CFAP54: variants seen among roughly 807,000 people sequenced by gnomAD.
The protein encoded by CFAP54 is cilia- and flagella-associated protein 54.
In CFAP54, 290 loss-of-function variants were observed where a neutral mutation model predicts 370.4. That is an observed-to-expected ratio of 0.78 (90% CI 0.71 to 0.86). The LOEUF is 0.86. Ranked by LOEUF, CFAP54 falls within the 40% of genes least tolerant of loss-of-function variation. The pLI, the probability that CFAP54 is intolerant of heterozygous loss-of-function variation, is 0.00. For missense variants in CFAP54, 3,399 were observed against 3,528.7 expected, an observed-to-expected ratio of 0.96 and a Z score of 0.93; for synonymous variants, 1,206 against 1,236.5, an observed-to-expected ratio of 0.98 and a Z score of 0.52.
At chr12:96,655,186 T>A (rs1028882067) in intron 36 of CFAP54, among the ~76,000 whole-genome samples, 1 of 151,326 alleles carries the variant, frequency 6.6e-6, no homozygotes, top group African/African-American at 2.4e-5. Flanking sequence ...GACCCATATA[T>A]ATGGTTTTTT....
At chr12:96,644,556 A>G (rs10745766) in intron 33 of CFAP54, 148 bp downstream of exon 33, 469,520 of 592,184 alleles carry the variant, frequency 0.79, 187,055 homozygotes, top group East Asian at 0.9. Flanking sequence ...CTGTTCTCAC[A>G]CTGCTATAAA....
At chr12:96,618,153 T>C (rs1205395801) in intron 26 of CFAP54, among the ~76,000 whole-genome samples, 1 of 152,076 alleles carries the variant, frequency 6.6e-6, no homozygotes, top group East Asian at 1.9e-4. Flanking sequence ...TTTAAGTAAC[T>C]AACAGGGGCT....
At chr12:96,741,724 AGC>A (rs1175611935) in intron 51 of CFAP54, among the ~76,000 whole-genome samples, 2 of 152,204 alleles carry the variant, frequency 1.3e-5, no homozygotes, top group Non-Finnish European at 2.9e-5. Context: ...CATCTCTCCT[AGC>A]TCTCAGTAGC....
intron 19 of CFAP54, among the ~76,000 whole-genome samples, chr12:96,572,536 A>G (rs1252663021): frequency 6.6e-6 from 1 of 152,116 alleles, no homozygotes; most frequent in Non-Finnish European, 1.5e-5. Context: ...AAATGTAGTC[A>G]TGATCAGAAT....
chr12:96,502,495 C>A (rs1463463077), intron 2 of CFAP54, among the ~76,000 whole-genome samples: 1 of 149,746 alleles, frequency 6.7e-6, no homozygotes, highest in African/African-American at 2.5e-5. Context: ...TAGTAAAGAT[C>A]ATCTTGTGGA....
At chr12:96,499,395 G>A (rs1954997601) in intron 1 of CFAP54, among the ~76,000 whole-genome samples, 1 of 152,112 alleles carries the variant, frequency 6.6e-6, no homozygotes, top group Non-Finnish European at 1.5e-5. Context: ...TCAGGGGAAT[G>A]CAAATTAAAG....
chr12:96,642,339 T>C (rs1956740372), intron 32 of CFAP54, among the ~76,000 whole-genome samples: 1 of 152,162 alleles, frequency 6.6e-6, no homozygotes, highest in African/African-American at 2.4e-5. Flanking sequence ...ATTTAGAATC[T>C]AAGTTGTGAG....
chr12:96,868,387 G>C (rs374805770), intron 67 of CFAP54, among the ~76,000 whole-genome samples: 41 of 147,936 alleles, frequency 2.8e-4, no homozygotes, highest in African/African-American at 8.4e-4. Context: ...CTGTTGTCAT[G>C]CTTCTTCAGG....
Position 96,506,589 on chromosome 12 carries a change from C to CTT in CFAP54, c.568-326_568-325dup, listed in dbSNP as rs71068809. ...TCCTTCTTTTTCTTTCTTTTCTTTT[C>CTT]TTTTTTTTTTTTTTGAGATGGAGTT... is the stretch of plus-strand genomic sequence containing the variant. On this transcript the variant is annotated intron_variant, in intron 3 of 67. Transcript: ENST00000524981. 5.3e-3 allele frequency among the ~76,000 whole-genome samples: 689 copies of CTT among 130,842 alleles called. 13 individuals carry two copies. The highest frequency in any genetic ancestry group is 0.01 in the African/African-American group (362 of 34,808). 85.8% of individuals were successfully genotyped at this position (130,842 alleles called of 152,430 possible).
At position 96,729,465 on chromosome 12, in the gene CFAP54, G is replaced by T. The variant is rs181468586; in HGVS notation, c.6965+8900G>T. On this transcript the variant is annotated intron_variant, in intron 50 of 67. Transcript: ENST00000524981. ...TGCTAGCAATCAGCAAGATTCCATGGGCGTGGGCGTAGGACCCTCCGAGCC... is the reference window on the plus strand; with the variant it reads ...TGCTAGCAATCAGCAAGATTCCATGTGCGTGGGCGTAGGACCCTCCGAGCC... Among the ~76,000 whole-genome samples, 9 of 152,294 alleles carry T rather than the reference G, an allele frequency of 5.9e-5. No homozygotes were observed. The East Asian group carries it at 1.7e-3, about 29-fold the overall frequency.
chr12:96,762,782 C>T lies in CFAP54; in HGVS notation c.8041-1369C>T, dbSNP rs201062222. Among the ~76,000 whole-genome samples, 1,311 of 147,984 alleles carry T rather than the reference C, an allele frequency of 8.9e-3. 51 individuals are homozygous for T. In the East Asian group the frequency reaches 0.098, roughly 11 times the overall value. ...AGCTAATGATTAGGGTTTTTTTTTT[C>T]TTTTTTTTATCTTGGAATGGGGTTA... On this transcript the variant is annotated intron_variant, in intron 58 of 67. Transcript: ENST00000524981.
chr12:96,694,367 G>T (rs868393021), intron 45 of CFAP54, among the ~76,000 whole-genome samples: 1 of 152,090 alleles, frequency 6.6e-6, no homozygotes. Context: ...CACCCATGTT[G>T]CCAGCTCCCA....
intron 1 of CFAP54, among the ~76,000 whole-genome samples, chr12:96,490,780 T>G (rs1214321016): frequency 2.0e-5 from 3 of 148,250 alleles, no homozygotes; most frequent in African/African-American, 7.5e-5. Flanking sequence ...GTATATCAAG[T>G]GCTGTTCAAG....
Position 96,757,504 on chromosome 12 carries a change from A to G in CFAP54, c.7956A>G (p.Arg2652=), listed in dbSNP as rs1266996037. ...LKNDQNSGLI[R]DSYLEMALLY... Reference sequence around the variant, plus strand: ...TGCTATATCATTTTAGATTGATAAGAGACTCCTACCTAGAAATGGCTCTAT... The same window carrying G: ...TGCTATATCATTTTAGATTGATAAGGGACTCCTACCTAGAAATGGCTCTAT... The change falls in exon 58 of 68, where the codon AGA becomes AGG. Residue 2652 remains arginine (R), a synonymous_variant. Transcript: ENST00000524981. 1.3e-6 allele frequency: 2 copies of G among 1,575,908 alleles called. No homozygotes were observed. Among genetic ancestry groups the G allele is most frequent in the Admixed American group, 1.7e-5 (1 of 58,844 alleles).
chr12:96,628,364 T>C (rs1433257027), intron 30 of CFAP54, among the ~76,000 whole-genome samples: 1 of 152,142 alleles, frequency 6.6e-6, no homozygotes, highest in African/African-American at 2.4e-5. Context: ...ATTTATTCAA[T>C]GGATGAAGGT....
rs192863025 is a variant in CFAP54 at position 96,643,998 on chromosome 12, T to G, written c.4317-180T>G. Among the ~76,000 whole-genome samples, 735 of 152,262 alleles carry G rather than the reference T, an allele frequency of 4.8e-3. 7 individuals carry two copies. Among genetic ancestry groups the G allele is most frequent in the Non-Finnish European group, 8.2e-3 (558 of 68,006 alleles). On this transcript the variant is annotated intron_variant, in intron 32 of 67. Coordinates refer to ENST00000524981, the MANE Select transcript of CFAP54 (RefSeq NM_001306084.2). ...GTCCCTGGTGCTTATCCCTGTGCCT[T>G]TTTTTAAACCACCCTGGTTCATATT...
Position 96,762,781 on chromosome 12 carries a change from T to C in CFAP54, c.8041-1370T>C, listed in dbSNP as rs200673303. The stretch of plus-strand genomic sequence containing the variant: ...CAGCTAATGATTAGGGTTTTTTTTT[T>C]CTTTTTTTTATCTTGGAATGGGGTT... On this transcript the variant is annotated intron_variant, in intron 58 of 67. Transcript: ENST00000524981. Among the ~76,000 whole-genome samples, 1,283 of 149,798 alleles carry C rather than the reference T, an allele frequency of 8.6e-3. 48 individuals carry two copies. In the East Asian group the frequency reaches 0.097, roughly 11 times the overall value.
intron 20 of CFAP54, among the ~76,000 whole-genome samples, chr12:96,578,048 C>A (rs570230920): frequency 7.2e-5 from 11 of 151,854 alleles, no homozygotes; most frequent in Admixed American, 1.3e-4. Flanking sequence ...GGAGACAGAG[C>A]GAAATACTAT....
chr12:96,568,834 G>T (rs1219489303), intron 19 of CFAP54, among the ~76,000 whole-genome samples: 1 of 151,728 alleles, frequency 6.6e-6, no homozygotes, highest in Admixed American at 6.6e-5. Flanking sequence ...AATTAAGATG[G>T]ACCAATTTAT....
Sources: allele counts gnomAD v4.1 joint callset (sites outside exome capture counted in the v4.1 genomes callset), GRCh38; gene constraint gnomAD v4.1.1; transcripts MANE v1.5; gene names NCBI Gene and HGNC (gene_info 2026-07-23, HGNC 2026-07-21).